Variants in GALNT15 observed in about 807,000 individuals in gnomAD.
GALNT15 encodes the protein UDP-GalNAc transferase T15.
A neutral mutation model predicts 66.8 loss-of-function variants in GALNT15; 67 were observed. The observed-to-expected ratio is 1.00, with a 90% CI of 0.82 to 1.23. The LOEUF (loss-of-function observed/expected upper bound fraction) is 1.23. Among genes scored for constraint, GALNT15 ranks in the 50% most tolerant of loss-of-function variants. GALNT15 has a pLI of 0.00. For missense variants in GALNT15, 827 were observed against 804.3 expected, an observed-to-expected ratio of 1.03 and a Z score of -0.34; for synonymous variants, 313 against 311.5, an observed-to-expected ratio of 1.00 and a Z score of -0.05.
chr3:16,200,782 A>C lies in GALNT15; in HGVS notation c.870A>C (p.Pro290=), dbSNP rs1398223767. The change falls in exon 3 of 10, where the codon CCA becomes CCC. Residue 290 remains proline, a synonymous_variant. Coordinates refer to ENST00000339732, the MANE Select transcript of GALNT15 (RefSeq NM_054110.5). The surrounding 1 kb of genome is among the most constrained non-coding windows in gnomAD (Gnocchi z 4.4). ...TGGATGCCCACTGCGAGTGCCACCCAGGCTGGCTGGAGCCCCTCCTCAGCA... is the reference window on the plus strand; with the variant it reads ...TGGATGCCCACTGCGAGTGCCACCCCGGCTGGCTGGAGCCCCTCCTCAGCA... ...VFMDAHCECH[P]GWLEPLLSRI... The C allele has an allele frequency of 1.6e-5, 25 of 1,611,212 alleles. No homozygotes were observed. The highest frequency in any genetic ancestry group is 2.0e-5 in the Non-Finnish European group (24 of 1,178,934).
In GALNT15 at chr3:16,175,552, A is replaced by G. The variant is rs1317889022; in HGVS notation, c.401A>G (p.Asp134Gly). Residue 134 changes from aspartate to glycine, a missense_variant, in exon 1 of 10, where the codon GAC becomes GGC. Asp to Gly is a moderately conservative substitution (Grantham distance 94). Coordinates refer to ENST00000339732, the MANE Select transcript of GALNT15 (RefSeq NM_054110.5). The surrounding 1 kb of genome is among the most constrained non-coding windows in gnomAD (Gnocchi z 5.6). ...CAGGATAAGGAAGCCCCAAAGAGGG[A>G]CTGGGGGGCTGATGAGGACGGGGAG... ...RRQDKEAPKRDWGADEDGEVS... is the reference protein window; with the variant it reads ...RRQDKEAPKRGWGADEDGEVS... 1.4e-5 allele frequency: 23 copies of G among 1,613,942 alleles called. No individual in the cohort carries two copies. Among genetic ancestry groups the G allele is most frequent in the Non-Finnish European group, 1.9e-5 (22 of 1,179,976 alleles).
In GALNT15 at chr3:16,181,925, A is replaced by G. The variant is rs151213772; in HGVS notation, c.539+6235A>G. On this transcript the variant is annotated intron_variant, in intron 1 of 9. Transcript: ENST00000339732. The surrounding 1 kb of genome is among the most constrained non-coding windows in gnomAD (Gnocchi z 5.9). Reference sequence around the variant, plus strand: ...GAGGCAGTACCTCCTCTGGACCTCCACTCTGGATCCATCACCCCGCAGTGG... The same window carrying G: ...GAGGCAGTACCTCCTCTGGACCTCCGCTCTGGATCCATCACCCCGCAGTGG... 2.8e-3 allele frequency among the ~76,000 whole-genome samples: 433 copies of G among 152,062 alleles called. 3 individuals are homozygous for G. Among genetic ancestry groups the G allele is most frequent in the African/African-American group, 9.7e-3 (404 of 41,472 alleles).
rs911571685 is a variant in GALNT15, at chr3:16,187,803, T to C, written c.540-7957T>C. On this transcript the variant is annotated intron_variant, in intron 1 of 9. Coordinates refer to ENST00000339732, the MANE Select transcript of GALNT15 (RefSeq NM_054110.5). This position sits in a 1 kb window ranked among gnomAD's most constrained non-coding sequence, Gnocchi z 5.1. ...ATGTAATAATTCTTGTAATAATTCATGCTGCTAAAGCACAGCACCTGGTAC... is the reference window on the plus strand; with the variant it reads ...ATGTAATAATTCTTGTAATAATTCACGCTGCTAAAGCACAGCACCTGGTAC... Among the ~76,000 whole-genome samples the C allele has an allele frequency of 5.9e-5, 9 of 152,248 alleles. No homozygotes were observed. The highest frequency in any genetic ancestry group is 1.2e-4 in the Non-Finnish European group (8 of 68,048).
intron 9 of GALNT15, among the ~76,000 whole-genome samples, chr3:16,226,560 C>T (rs1047899378): frequency 4.6e-5 from 7 of 152,144 alleles, no homozygotes; most frequent in Non-Finnish European, 1.0e-4. Flanking sequence ...GGAGGAGGTG[C>T]TACACACTTC....
chr3:16,185,752 T>G (rs780847806), intron 1 of GALNT15, among the ~76,000 whole-genome samples: 1 of 21,638 alleles, frequency 4.6e-5, no homozygotes, highest in Non-Finnish European at 9.6e-5. Flanking sequence ...GACAGACAGA[T>G]AGATAGATAG....
intron 1 of GALNT15, among the ~76,000 whole-genome samples, chr3:16,192,974 A>C (rs528847644): frequency 7.1e-4 from 108 of 152,344 alleles, no homozygotes; most frequent in Non-Finnish European, 1.4e-3. Context: ...ATTTGAGTTA[A>C]CAGTATTGAA....
the GALNT15 span, among the ~76,000 whole-genome samples, chr3:16,244,172 C>T: frequency 1.3e-5 from 2 of 152,238 alleles, no homozygotes; most frequent in Non-Finnish European, 2.9e-5. Context: ...TGAGTGGCTT[C>T]TGTCCACCTC....
chr3:16,189,581 G>A lies in GALNT15; in HGVS notation c.540-6179G>A, dbSNP rs1353550223. Among the ~76,000 whole-genome samples, 1 of 152,148 alleles carries A rather than the reference G, an allele frequency of 6.6e-6. No homozygotes were observed. The highest frequency in any genetic ancestry group is 1.5e-5 in the Non-Finnish European group (1 of 68,028). On this transcript the variant is annotated intron_variant, in intron 1 of 9. Transcript: ENST00000339732. The surrounding 1 kb of genome is among the most constrained non-coding windows in gnomAD (Gnocchi z 5.1). ...TTATTGAAAGCCTGCTGTGGACAAA[G>A]CACACAACATTTTACATAGCCCTTT... is the stretch of plus-strand genomic sequence containing the variant.
At position 16,180,405 on chromosome 3, in the gene GALNT15, A is replaced by G. The variant is rs1422459135; in HGVS notation, c.539+4715A>G. Among the ~76,000 whole-genome samples the G allele has an allele frequency of 1.3e-5, 2 of 152,096 alleles. No individual in the cohort carries two copies. The highest frequency in any genetic ancestry group is 4.8e-5 in the African/African-American group (2 of 41,406). ...CAGATGCTCCATTTCTATCAAAGGC[A>G]CTCCAAGGTGGCACCAGCACTGTTG... On this transcript the variant is annotated intron_variant, in intron 1 of 9. Transcript: ENST00000339732. The surrounding 1 kb of genome is among the most constrained non-coding windows in gnomAD (Gnocchi z 5.0).
Position 16,195,835 on chromosome 3 carries a change from C to T in GALNT15, c.615C>T (p.Ser205=). The T allele has an allele frequency of 6.2e-7, 1 of 1,614,094 alleles. No individual in the cohort carries two copies. Among genetic ancestry groups the T allele is most frequent in the Non-Finnish European group, 8.5e-7 (1 of 1,180,000 alleles). The change falls in exon 2 of 10, where the codon TCC becomes TCT. Residue 205 remains serine (S), a synonymous_variant. Transcript: ENST00000339732. This position sits in a 1 kb window ranked among gnomAD's most constrained non-coding sequence, Gnocchi z 4.6. ...VILCFHDEAW[S]TLLRTVHSIL... ...TCTGTTTCCATGATGAGGCCTGGTC[C>T]ACTCTCCTGCGGACTGTACACAGCA...
chr3:16,192,168 G>C (rs2063585721), intron 1 of GALNT15, among the ~76,000 whole-genome samples: 1 of 152,140 alleles, frequency 6.6e-6, no homozygotes, highest in African/African-American at 2.4e-5. Context: ...AAGTTCTTTT[G>C]ACCATCTTAC....
rs1276620955 is a variant in GALNT15 at position 16,204,934 on chromosome 3, G to A, written c.912-3569G>A. Among the ~76,000 whole-genome samples, 1 of 152,176 alleles carries A rather than the reference G, an allele frequency of 6.6e-6. No individual in the cohort carries two copies. Among genetic ancestry groups the A allele is most frequent in the Non-Finnish European group, 1.5e-5 (1 of 68,034 alleles). Reference sequence around the variant, plus strand: ...GCATGTGAGAGTCTGAGTGTGGGGGGGAGCGAGCATGTGCGTGCGTGTGTG... The same window carrying A: ...GCATGTGAGAGTCTGAGTGTGGGGGAGAGCGAGCATGTGCGTGCGTGTGTG... On this transcript the variant is annotated intron_variant, in intron 3 of 9. Coordinates refer to ENST00000339732, the MANE Select transcript of GALNT15 (RefSeq NM_054110.5). This position sits in a 1 kb window ranked among gnomAD's most constrained non-coding sequence, Gnocchi z 4.5.
the GALNT15 span, among the ~76,000 whole-genome samples, chr3:16,244,540 G>C: frequency 6.6e-6 from 1 of 152,180 alleles, no homozygotes; most frequent in Non-Finnish European, 1.5e-5. Context: ...AACGCCATTG[G>C]GCAAATCCAA....
the GALNT15 span, among the ~76,000 whole-genome samples, chr3:16,240,708 A>G: frequency 6.6e-6 from 1 of 151,518 alleles, no homozygotes; most frequent in African/African-American, 2.4e-5. Flanking sequence ...CCAACCATGA[A>G]CCTCAGATTC....
Position 16,219,547 on chromosome 3 carries a change from C to T in GALNT15, c.1524+13C>T. Reference sequence around the variant, plus strand: ...TTTCTCTGGAAAGGCAAGGCATGACCCAGGGAAGATGGGGAGGGACAGGGA... The same window carrying T: ...TTTCTCTGGAAAGGCAAGGCATGACTCAGGGAAGATGGGGAGGGACAGGGA... On this transcript the variant is annotated intron_variant, in intron 7 of 9. Transcript: ENST00000339732. The surrounding 1 kb of genome is among the most constrained non-coding windows in gnomAD (Gnocchi z 4.3). 1 of 1,613,022 alleles carries T rather than the reference C, an allele frequency of 6.2e-7. No homozygotes were observed. The highest frequency in any genetic ancestry group is 1.1e-5 in the South Asian group (1 of 90,874).
At chr3:16,246,491 A>G in the GALNT15 span, among the ~76,000 whole-genome samples, 1 of 151,852 alleles carries the variant, frequency 6.6e-6, no homozygotes, top group African/African-American at 2.4e-5. Context: ...ACACCCAGCT[A>G]ATTTTTGTAT....
At chr3:16,238,612 A>G in the GALNT15 span, among the ~76,000 whole-genome samples, 1 of 152,194 alleles carries the variant, frequency 6.6e-6, no homozygotes, top group African/African-American at 2.4e-5. The surrounding 1 kb of genome is among the most constrained non-coding windows in gnomAD (Gnocchi z 4.8). Context: ...TGAGGTTTCC[A>G]CAGGCAGAGT....
chr3:16,201,472 C>A (rs114839659), intron 3 of GALNT15, among the ~76,000 whole-genome samples: 328 of 152,198 alleles, frequency 2.2e-3, no homozygotes, highest in African/African-American at 7.5e-3. Flanking sequence ...TGAGCCACCG[C>A]GCCTGGCCGA....
chr3:16,215,845 G>A (rs2063865478), intron 6 of GALNT15, among the ~76,000 whole-genome samples: 1 of 150,146 alleles, frequency 6.7e-6, no homozygotes, highest in Non-Finnish European at 1.5e-5. Context: ...AGAAGGCGGA[G>A]GTTGTAGTGA....
Sources: gnomAD v4.1 joint callset for allele counts (sites outside exome capture counted in the v4.1 genomes callset) on GRCh38, gnomAD v4.1.1 for gene constraint, Gnocchi (gnomAD v3.1) non-coding constraint, MANE v1.5 for transcripts, NCBI Gene and HGNC (gene_info 2026-07-23, HGNC 2026-07-21) for gene names.